The following KBTBD12 variants were observed in gnomAD, a reference collection of about 807,000 sequenced individuals.
KBTBD12 encodes the protein kelch repeat and BTB domain containing 12.
In KBTBD12, 53 loss-of-function variants were observed where a neutral mutation model predicts 58.7. That is an observed-to-expected ratio of 0.90 (90% CI 0.72 to 1.14). The LOEUF (loss-of-function observed/expected upper bound fraction) is 1.14, where lower values mean the gene tolerates loss of function less well. Among genes scored for constraint, KBTBD12 ranks in the 50% most tolerant of loss-of-function variants. The pLI is 0.00. For missense variants in KBTBD12, 704 were observed against 751.3 expected (o/e 0.94, Z 0.74); for synonymous variants, 236 against 259.8 (o/e 0.91, Z 0.88).
At chr3:127,957,202 C>T (rs1472093972) in intron 4 of KBTBD12, among the ~76,000 whole-genome samples, 2 of 152,144 alleles carry the variant, frequency 1.3e-5, no homozygotes, top group African/African-American at 4.8e-5. Flanking sequence ...CTATCATTTT[C>T]TGTAAATCAT....
rs1002870910 is a variant in KBTBD12, at chr3:127,985,548, A to C, written c.*1270A>C. 5 of 152,304 alleles carry C rather than the reference A, an allele frequency of 3.3e-5. No individual in the cohort carries two copies. The East Asian group carries it at 7.7e-4, about 24-fold the overall frequency. The allele number at this position is 152,304 out of a possible 1,614,324, so 9.4% of individuals were successfully genotyped here. A position where few individuals can be genotyped will look rare whatever the true frequency, so the allele number is the denominator to read the frequency against. ...GGTCAGTAAATTCAGAGGGAGACAA[A>C]CCCTAAGTAGAGACAGCTTTCTTTG... is the stretch of plus-strand genomic sequence containing the variant. On this transcript the variant is annotated 3_prime_UTR_variant, in exon 6 of 6. Transcript: ENST00000405109.
chr3:127,946,693 T>C (rs549056801), intron 4 of KBTBD12, among the ~76,000 whole-genome samples: 2 of 152,322 alleles, frequency 1.3e-5, no homozygotes, highest in South Asian at 4.1e-4. Flanking sequence ...AATTCTCAGC[T>C]TTTGTCTTTT....
rs1035951641 is a variant in KBTBD12 at position 127,923,881 on chromosome 3, A to G, written c.820A>G (p.Thr274Ala). 2 of 1,613,890 alleles carry G rather than the reference A, an allele frequency of 1.2e-6. No individual in the cohort carries two copies. Among genetic ancestry groups the G allele is most frequent in the African/African-American group, 2.7e-5 (2 of 75,032 alleles). The change falls in exon 2 of 6, where the codon ACC becomes GCC. Residue 274 changes from threonine (T) to alanine (A), a missense_variant. Thr to Ala is a moderately conservative substitution (Grantham distance 58). Transcript: ENST00000405109. ...AAATCTGCGCTATGGTATGGAGACT[A>G]CCAGTCTTCTGCTTTGCATTGGCAA... Reference protein sequence around the residue: ...SLNLRYGMETTSLLLCIGNNS... With the variant: ...SLNLRYGMETASLLLCIGNNS...
chr3:127,974,770 G>A (rs781687998), intron 5 of KBTBD12, among the ~76,000 whole-genome samples: 2 of 152,100 alleles, frequency 1.3e-5, no homozygotes, highest in Non-Finnish European at 2.9e-5. Context: ...GGGGGAACAC[G>A]AGGTGAGACC....
chr3:127,921,740 T>C (rs1304212585), intron 1 of KBTBD12, among the ~76,000 whole-genome samples: 1 of 152,150 alleles, frequency 6.6e-6, no homozygotes, highest in Non-Finnish European at 1.5e-5. Context: ...GTGGTTGTTG[T>C]CAAAGCCAAT....
chr3:127,974,874 G>A (rs1389794140), intron 5 of KBTBD12, among the ~76,000 whole-genome samples: 8 of 152,118 alleles, frequency 5.3e-5, no homozygotes, highest in Admixed American at 6.5e-5. Context: ...AGCTACTCGG[G>A]AGGCAGGAGA....
chr3:127,957,301 T>TAC (rs1940339001), intron 4 of KBTBD12, among the ~76,000 whole-genome samples: 1 of 152,240 alleles, frequency 6.6e-6, no homozygotes, highest in Admixed American at 6.5e-5. Flanking sequence ...AAGCATCCTT[T>TAC]AGAAGATATT....
At chr3:127,947,788 G>T (rs1397436005) in intron 4 of KBTBD12, among the ~76,000 whole-genome samples, 2 of 152,128 alleles carry the variant, frequency 1.3e-5, no homozygotes, top group African/African-American at 4.8e-5. Flanking sequence ...CTTCAGCAGG[G>T]TTCCTCTGTC....
chr3:127,976,432 A>G (rs1176283935), intron 5 of KBTBD12, among the ~76,000 whole-genome samples: 2 of 152,238 alleles, frequency 1.3e-5, no homozygotes, highest in East Asian at 3.9e-4. Context: ...TCCCCGTTTT[A>G]GAATAAAATC....
chr3:127,961,235 C>T lies in KBTBD12; in HGVS notation c.1493-1954C>T, dbSNP rs72983918. Among the ~76,000 whole-genome samples, 841 of 152,290 alleles carry T rather than the reference C, an allele frequency of 5.5e-3. 6 individuals carry two copies. The highest frequency in any genetic ancestry group is 0.018 in the African/African-American group (757 of 41,546). ...CTTCTTGCCCTACAAATAGGAAACT[C>T]CACTTTTTGTTAGGCTGAGAAAGCT... is the stretch of plus-strand genomic sequence containing the variant. On this transcript the variant is annotated intron_variant, in intron 4 of 5. Transcript: ENST00000405109.
chr3:127,951,638 G>T (rs1940206363), intron 4 of KBTBD12, among the ~76,000 whole-genome samples: 1 of 152,130 alleles, frequency 6.6e-6, no homozygotes, highest in Admixed American at 6.6e-5. Context: ...CAGGAGCATG[G>T]GACTTTTCTG....
Position 127,977,075 on chromosome 3 carries a change from T to A in KBTBD12, c.1691-7022T>A, listed in dbSNP as rs1940796728. 2.0e-5 allele frequency among the ~76,000 whole-genome samples: 3 copies of A among 152,344 alleles called. No individual in the cohort carries two copies. The South Asian group carries it at 6.2e-4, about 32-fold the overall frequency. On this transcript the variant is annotated intron_variant, in intron 5 of 5. Transcript: ENST00000405109. ...GTACTCAATGTTTAGCTCCCACTTATAAGTGAGAATATGCAGTATTTGGTT... is the reference window on the plus strand; with the variant it reads ...GTACTCAATGTTTAGCTCCCACTTAAAAGTGAGAATATGCAGTATTTGGTT...
intron 4 of KBTBD12, among the ~76,000 whole-genome samples, chr3:127,953,343 T>C (rs1055042681): frequency 2.6e-5 from 4 of 151,972 alleles, no homozygotes; most frequent in African/African-American, 7.3e-5. Context: ...GTCTTTCTAC[T>C]TTCTTCATTT....
chr3:127,940,159 T>C (rs1251049726), intron 4 of KBTBD12, among the ~76,000 whole-genome samples: 4 of 152,088 alleles, frequency 2.6e-5, no homozygotes, highest in Non-Finnish European at 4.4e-5. Context: ...ACAATTATAA[T>C]TGAAGATTTA....
intron 4 of KBTBD12, among the ~76,000 whole-genome samples, chr3:127,940,436 A>T (rs1939925580): frequency 6.6e-6 from 1 of 152,198 alleles, no homozygotes; most frequent in Admixed American, 6.5e-5. Flanking sequence ...ATAGTCTTCA[A>T]ATACTTGAAA....
intron 5 of KBTBD12, among the ~76,000 whole-genome samples, chr3:127,971,866 T>C (rs1260719272): frequency 6.6e-6 from 1 of 152,118 alleles, no homozygotes; most frequent in African/African-American, 2.4e-5. Context: ...CTCCAAATCT[T>C]CCTTCCTTCA....
At chr3:127,942,016 G>T (rs537391091) in intron 4 of KBTBD12, among the ~76,000 whole-genome samples, 4 of 152,104 alleles carry the variant, frequency 2.6e-5, no homozygotes, top group Non-Finnish European at 4.4e-5. Context: ...AATAAAGAAA[G>T]ATAAAGTTGT....
At chr3:127,969,163 T>A (rs1291175280) in intron 5 of KBTBD12, among the ~76,000 whole-genome samples, 1 of 152,124 alleles carries the variant, frequency 6.6e-6, no homozygotes, top group Admixed American at 6.5e-5. Context: ...GACATAATCA[T>A]TTTTTTCGAA....
At chr3:127,978,370 G>A (rs561871211) in intron 5 of KBTBD12, among the ~76,000 whole-genome samples, 2 of 152,302 alleles carry the variant, frequency 1.3e-5, no homozygotes, top group East Asian at 1.9e-4. Context: ...GCAGCAATCT[G>A]AGAACTCTGA....
Sources: allele counts gnomAD v4.1 joint callset (sites outside exome capture counted in the v4.1 genomes callset), GRCh38; gene constraint gnomAD v4.1.1; transcripts MANE v1.5; gene names NCBI Gene and HGNC (gene_info 2026-07-23, HGNC 2026-07-21).